The following CNOT9 variants were observed in gnomAD, a reference collection of about 807,000 sequenced individuals.
The protein encoded by CNOT9 is CCR4-NOT transcription complex subunit 9, also known as RCD1 required for cell differentiation1 homolog.
CNOT9 carries 8 observed loss-of-function variants against 37.4 expected under a neutral mutation model. That is an observed-to-expected ratio of 0.21 (90% CI 0.13 to 0.39). CNOT9 has a LOEUF of 0.39. Among genes scored for constraint, CNOT9 ranks in the 10% least tolerant of loss-of-function variants. The probability of loss-of-function intolerance (pLI) is 1.00; values close to 1 mark genes in which losing one functional copy is unlikely to be tolerated. For synonymous variants in CNOT9, 120 were observed against 137.6 expected (o/e 0.87, Z 0.90); for missense variants, 154 against 365.3 (o/e 0.42, Z 4.71).
At chr2:218,570,055 A>G (rs564921709) in intron 1 of CNOT9, among the ~76,000 whole-genome samples, 1 of 152,250 alleles carries the variant, frequency 6.6e-6, no homozygotes, top group Admixed American at 6.5e-5. Flanking sequence ...AGCCCTGTTG[A>G]CGTGGTTTCC....
chr2:218,583,142 C>T (rs370026658), intron 3 of CNOT9, 56 bp downstream of exon 3: 106 of 1,108,940 alleles, frequency 9.6e-5, no homozygotes, highest in East Asian at 5.9e-4. Context: ...TGGTCCTAAA[C>T]GTTCTCTGAA....
chr2:218,591,977 TCTGAGTTTTTAAGA>T (rs1322995898), intron 5 of CNOT9, among the ~76,000 whole-genome samples: 1 of 152,294 alleles, frequency 6.6e-6, no homozygotes, highest in East Asian at 1.9e-4. Context: ...TGAGAAGGTC[TCTGAGTTTTTAAGA>T]ATTTGATAAT....
intron 2 of CNOT9, 96 bp from the exon 3 acceptor site, chr2:218,582,875 G>A (rs967358357): frequency 4.3e-6 from 3 of 692,038 alleles, no homozygotes; most frequent in African/African-American, 1.9e-5. Context: ...AGAATTAAGA[G>A]CTATTTTATT....
At chr2:218,586,331 TGAG>T (rs1694597009) in intron 4 of CNOT9, among the ~76,000 whole-genome samples, 1 of 152,152 alleles carries the variant, frequency 6.6e-6, no homozygotes, top group South Asian at 2.1e-4. Context: ...ATGGCCCTCA[TGAG>T]GTTAGTATTC....
intron 7 of CNOT9, 120 bp from the exon 8 acceptor site, chr2:218,593,988 A>T (rs1270574406): frequency 7.3e-6 from 8 of 1,096,876 alleles, no homozygotes; most frequent in Non-Finnish European, 1.3e-6. Flanking sequence ...ATGGCTTCTT[A>T]AGGAGCCATA....
intron 1 of CNOT9, chr2:218,573,831 AAAG>A (rs1694078291): frequency 3.9e-6 from 1 of 254,568 alleles, no homozygotes; most frequent in East Asian, 1.4e-4. Flanking sequence ...CTTGGGGAAA[AAAG>A]GTGTCATTTG....
In CNOT9 at chr2:218,583,193, TTGTGTGTGTGTGTGTG is replaced by T. The variant is rs745627681; in HGVS notation, c.320+133_320+148del. On this transcript the variant is annotated intron_variant, in intron 3 of 7. Transcript: ENST00000273064. ...CATGGAGGAGAGAGAGAGAGAACGT[TTGTGTGTGTGTGTGTG>T]TGTGTGTGTGTGTGTGTGTGTGTGT... 12 of 401,442 alleles carry T rather than the reference TTGTGTGTGTGTGTGTG, an allele frequency of 3.0e-5. 3 individuals are homozygous for T. The highest frequency in any genetic ancestry group is 4.2e-5 in the East Asian group (1 of 23,852). 24.9% of individuals were successfully genotyped at this position (401,442 alleles called of 1,614,324 possible). A position where few individuals can be genotyped will look rare whatever the true frequency, so the allele number is the denominator to read the frequency against.
intron 1 of CNOT9, chr2:218,572,613 A>G (rs2106077877): frequency 2.2e-6 from 2 of 889,912 alleles, no homozygotes; most frequent in Non-Finnish European, 2.7e-6. Context: ...CTTAGGCGAC[A>G]TAGTGAGACC....
chr2:218,590,787 C>G (rs1231253194), intron 5 of CNOT9, among the ~76,000 whole-genome samples: 1 of 136,774 alleles, frequency 7.3e-6, no homozygotes, highest in Non-Finnish European at 1.6e-5. Context: ...AAATCTCTCC[C>G]TACATCTCTC....
At chr2:218,582,283 G>A (rs1363793224) in intron 2 of CNOT9, among the ~76,000 whole-genome samples, 3 of 152,162 alleles carry the variant, frequency 2.0e-5, no homozygotes, top group Non-Finnish European at 4.4e-5. Flanking sequence ...TCTCATCACT[G>A]TAACTTAAAG....
chr2:218,578,427 A>G (rs115217530), intron 1 of CNOT9, among the ~76,000 whole-genome samples: 376 of 152,364 alleles, frequency 2.5e-3, no homozygotes, highest in African/African-American at 8.7e-3. Flanking sequence ...CTGATCTTCA[A>G]CAAAGGCAGT....
At position 218,593,410 on chromosome 2, in the gene CNOT9, A is replaced by G. The variant is rs941626702; in HGVS notation, c.732-698A>G. The G allele has an allele frequency of 1.2e-5, 7 of 567,840 alleles. No homozygotes were observed. The African/African-American group carries it at 1.3e-4, about 11-fold the overall frequency. The allele number at this position is 567,840 out of a possible 1,614,324, so 35.2% of individuals were successfully genotyped here. A position where few individuals can be genotyped will look rare whatever the true frequency, so the allele number is the denominator to read the frequency against. ...GTTCTTCAGTGGTTCTTGTTTCACT[A>G]AAGTTTAAAAATGTGTTTATTTAAA... On this transcript the variant is annotated intron_variant, in intron 7 of 7. Coordinates refer to ENST00000273064, the MANE Select transcript of CNOT9 (RefSeq NM_005444.3).
intron 1 of CNOT9, among the ~76,000 whole-genome samples, chr2:218,578,974 C>T (rs1237680645): frequency 1.3e-5 from 2 of 152,014 alleles, no homozygotes; most frequent in Admixed American, 6.6e-5. Context: ...GAATGGTTCT[C>T]AAAGGGATGT....
At chr2:218,591,590 A>G (rs1319654393) in intron 5 of CNOT9, among the ~76,000 whole-genome samples, 1 of 152,122 alleles carries the variant, frequency 6.6e-6, no homozygotes, top group Non-Finnish European at 1.5e-5. Flanking sequence ...TAAAAATACC[A>G]AAATTAGCCA....
chr2:218,578,174 C>G (rs900131718), intron 1 of CNOT9, among the ~76,000 whole-genome samples: 1 of 152,188 alleles, frequency 6.6e-6, no homozygotes, highest in African/African-American at 2.4e-5. Flanking sequence ...TGATTGATTC[C>G]TTGAGGACCA....
intron 1 of CNOT9, among the ~76,000 whole-genome samples, chr2:218,571,949 A>G (rs895064763): frequency 7.2e-5 from 11 of 151,972 alleles, no homozygotes; most frequent in African/African-American, 2.2e-4. Context: ...GCTACCATTG[A>G]GCATAATTTC....
chr2:218,573,915 T>C (rs1694080045), intron 1 of CNOT9: 1 of 304,024 alleles, frequency 3.3e-6, no homozygotes, highest in South Asian at 2.5e-5. Context: ...TTTGATAATA[T>C]GAAAGTTTTT....
At chr2:218,582,431 C>T (rs771755765) in intron 2 of CNOT9, among the ~76,000 whole-genome samples, 1 of 152,244 alleles carries the variant, frequency 6.6e-6, no homozygotes, top group Non-Finnish European at 1.5e-5. Context: ...TGGCTCACGC[C>T]TGAAATCCCA....
chr2:218,590,586 TA>T (rs1694739644), intron 5 of CNOT9, among the ~76,000 whole-genome samples: 1 of 152,186 alleles, frequency 6.6e-6, no homozygotes, highest in South Asian at 2.1e-4. Flanking sequence ...TTCACCAATC[TA>T]AAGTCAATGT....
Sources: gnomAD v4.1 joint callset for allele counts (sites outside exome capture counted in the v4.1 genomes callset) on GRCh38, gnomAD v4.1.1 for gene constraint, MANE v1.5 for transcripts, NCBI Gene and HGNC (gene_info 2026-07-23, HGNC 2026-07-21) for gene names.